CREBBP: variants seen among roughly 807,000 people sequenced by gnomAD.
CREBBP encodes CREB-binding protein.
A neutral mutation model predicts 265.0 loss-of-function variants in CREBBP; 19 were observed. That is an observed-to-expected ratio of 0.07 (90% CI 0.05 to 0.11). The LOEUF is 0.11. Ranked by LOEUF, CREBBP falls within the 10% of genes least tolerant of loss-of-function variation. The pLI is 1.00. For missense variants in CREBBP, 2,525 were observed against 3,219.0 expected (o/e 0.78, Z 5.22); for synonymous variants, 1,457 against 1,223.7 (o/e 1.19, Z -3.98).
At chr16:3,787,923 C>G (rs2053424118) in intron 5 of CREBBP, among the ~76,000 whole-genome samples, 1 of 152,202 alleles carries the variant, frequency 6.6e-6, no homozygotes, top group Admixed American at 6.5e-5. Context: ...ACCCGCCTGT[C>G]TCACTCAGCC....
Position 3,785,928 on chromosome 16 carries a change from C to T in CREBBP, c.1331-3002G>A, listed in dbSNP as rs115252502. ...ACCTCTTTAAAGCTCCCCAACATCC[C>T]CTAGTCTCACCACCCCTTCTGATGT... On this transcript the variant is annotated intron_variant, in intron 5 of 30. Coordinates refer to ENST00000262367, the MANE Select transcript of CREBBP (RefSeq NM_004380.3). 3.4e-3 allele frequency among the ~76,000 whole-genome samples: 512 copies of T among 152,330 alleles called. 5 individuals are homozygous for T. The highest frequency in any genetic ancestry group is 0.012 in the African/African-American group (483 of 41,568).
intron 2 of CREBBP, among the ~76,000 whole-genome samples, chr16:3,831,103 T>C (rs1215491866): frequency 6.6e-6 from 1 of 152,202 alleles, no homozygotes; most frequent in African/African-American, 2.4e-5. Context: ...ATAGATAGAA[T>C]ATTTGTCAAG....
At chr16:3,797,265 A>G (rs1393364542) in intron 3 of CREBBP, among the ~76,000 whole-genome samples, 1 of 152,192 alleles carries the variant, frequency 6.6e-6, no homozygotes, top group East Asian at 1.9e-4. Flanking sequence ...AAAATTTTGA[A>G]AAACAGTAAA....
At chr16:3,878,176 A>C (rs1338399197) in intron 1 of CREBBP, among the ~76,000 whole-genome samples, 1 of 152,246 alleles carries the variant, frequency 6.6e-6, no homozygotes, top group Non-Finnish European at 1.5e-5. Flanking sequence ...CAGTTTCAGA[A>C]GACAAGCTTC....
intron 1 of CREBBP, among the ~76,000 whole-genome samples, chr16:3,872,382 G>A (rs899366859): frequency 2.6e-5 from 4 of 152,154 alleles, no homozygotes; most frequent in African/African-American, 9.7e-5. Context: ...ACGCCCCGGG[G>A]ACTCTGCTCG....
At chr16:3,835,125 C>A (rs2054418653) in intron 2 of CREBBP, among the ~76,000 whole-genome samples, 1 of 152,160 alleles carries the variant, frequency 6.6e-6, no homozygotes, top group Non-Finnish European at 1.5e-5. Context: ...CGCCACTGCA[C>A]TCCGGCCTGG....
At chr16:3,873,284 C>T (rs2055336781) in intron 1 of CREBBP, among the ~76,000 whole-genome samples, 1 of 152,172 alleles carries the variant, frequency 6.6e-6, no homozygotes, top group South Asian at 2.1e-4. Flanking sequence ...TAATTCAGAA[C>T]ACACACCATT....
At chr16:3,779,329 C>T (rs2053221288) in intron 8 of CREBBP, among the ~76,000 whole-genome samples, 2 of 152,296 alleles carry the variant, frequency 1.3e-5, no homozygotes, top group Admixed American at 1.3e-4. Context: ...TGCACACCAC[C>T]ATGCCTGGCT....
At chr16:3,755,439 C>T (rs576477794) in intron 19 of CREBBP, among the ~76,000 whole-genome samples, 144 of 152,164 alleles carry the variant, frequency 9.5e-4, no homozygotes, top group Non-Finnish European at 1.6e-3. Context: ...TAATATTAAC[C>T]TTTCTCTGAA....
chr16:3,834,810 T>C (rs560311411), intron 2 of CREBBP, among the ~76,000 whole-genome samples: 90 of 152,306 alleles, frequency 5.9e-4, no homozygotes, highest in African/African-American at 2.0e-3. Context: ...AAAATCTCTG[T>C]ACCTTCATTT....
At position 3,849,344 on chromosome 16, in the gene CREBBP, C is replaced by T. The variant is rs531030422; in HGVS notation, c.798+953G>A. Among the ~76,000 whole-genome samples the T allele has an allele frequency of 1.4e-3, 209 of 148,568 alleles. 2 individuals carry two copies. The highest frequency in any genetic ancestry group is 2.5e-3 in the Non-Finnish European group (166 of 67,538). On this transcript the variant is annotated intron_variant, in intron 2 of 30. Coordinates refer to ENST00000262367, the MANE Select transcript of CREBBP (RefSeq NM_004380.3). The stretch of plus-strand genomic sequence containing the variant: ...GCTGCAAGGCTGGTGGCTGCAAATC[C>T]CAGTCCAGGCCTTTCCCTAGCAGAG...
At chr16:3,834,778 TAGG>T (rs893734691) in intron 2 of CREBBP, among the ~76,000 whole-genome samples, 17 of 152,114 alleles carry the variant, frequency 1.1e-4, no homozygotes, top group Non-Finnish European at 1.5e-4. Context: ...GACTATGAAC[TAGG>T]AGAACAGGGA....
At chr16:3,820,613 T>G (rs535292478) in intron 2 of CREBBP, among the ~76,000 whole-genome samples, 5 of 152,356 alleles carry the variant, frequency 3.3e-5, no homozygotes, top group Admixed American at 1.3e-4. Flanking sequence ...CCTTGTCTTC[T>G]TGGGTTAAGA....
chr16:3,751,037 C>A (rs1232529611), intron 20 of CREBBP, among the ~76,000 whole-genome samples: 1 of 151,570 alleles, frequency 6.6e-6, no homozygotes, highest in Non-Finnish European at 1.5e-5. Context: ...GCCTGGGTAA[C>A]AACAGTGAGA....
intron 2 of CREBBP, among the ~76,000 whole-genome samples, chr16:3,820,172 A>G (rs1450398447): frequency 1.3e-5 from 2 of 152,272 alleles, no homozygotes; most frequent in Non-Finnish European, 2.9e-5. Context: ...GTAAAGCCAA[A>G]AGCATTTTCT....
intron 16 of CREBBP, among the ~76,000 whole-genome samples, chr16:3,766,663 T>C (rs2052860217): frequency 6.6e-6 from 1 of 152,094 alleles, no homozygotes; most frequent in Non-Finnish European, 1.5e-5. Flanking sequence ...GCAGCTAGAA[T>C]TATAGGCGTG....
At position 3,728,192 on chromosome 16, in the gene CREBBP, G is replaced by T; in HGVS notation, c.6855C>A (p.Pro2285=). 1 of 1,613,934 alleles carries T rather than the reference G, an allele frequency of 6.2e-7. No homozygotes were observed. The highest frequency in any genetic ancestry group is 8.5e-7 in the Non-Finnish European group (1 of 1,180,008). ...GQPGLGADST[P]NIQQALQQRI... is the part of the protein sequence containing the mutation. ...GCTGCTGCAGGGCTTGCTGGATGTT[G>T]GGGGTGCTGTCTGCCCCCAGCCCCG... The change falls in exon 31 of 31, where the codon CCC becomes CCA. Residue 2285 remains proline (P), a synonymous_variant. Transcript: ENST00000262367. The surrounding 1 kb of genome is among the most constrained non-coding windows in gnomAD (Gnocchi z 8.7).
chr16:3,836,106 C>T (rs1340449759), intron 2 of CREBBP, among the ~76,000 whole-genome samples: 1 of 151,958 alleles, frequency 6.6e-6, no homozygotes, highest in East Asian at 1.9e-4. Context: ...GATTCCATTA[C>T]GTGAGGTCTG....
chr16:3,858,572 C>A (rs540786459), intron 1 of CREBBP, among the ~76,000 whole-genome samples: 2 of 152,296 alleles, frequency 1.3e-5, no homozygotes, highest in African/African-American at 2.4e-5. Flanking sequence ...TAAAATGCTT[C>A]GTATGTACTA....
Sources: gnomAD v4.1 joint callset for allele counts (sites outside exome capture counted in the v4.1 genomes callset) on GRCh38, gnomAD v4.1.1 for gene constraint, Gnocchi (gnomAD v3.1) non-coding constraint, MANE v1.5 for transcripts, NCBI Gene and HGNC (gene_info 2026-07-23, HGNC 2026-07-21) for gene names.